Variants in SEC24D observed in about 807,000 individuals in gnomAD.
SEC24D encodes the protein protein transport protein Sec24D.
SEC24D carries 69 observed loss-of-function variants against 116.9 expected under a neutral mutation model. The observed-to-expected ratio is 0.59, with a 90% CI of 0.49 to 0.72. The LOEUF (loss-of-function observed/expected upper bound fraction) is 0.72. SEC24D is among the 30% of genes least tolerant of loss of function. The probability of loss-of-function intolerance (pLI) is 0.00; values close to 1 mark genes in which losing one functional copy is unlikely to be tolerated. For synonymous variants in SEC24D, 405 were observed against 442.8 expected, an observed-to-expected ratio of 0.91 and a Z score of 1.07; for missense variants, 1,131 against 1,264.1, an observed-to-expected ratio of 0.89 and a Z score of 1.60.
chr4:118,823,825 C>T (rs1730493280), intron 3 of SEC24D, among the ~76,000 whole-genome samples: 1 of 152,144 alleles, frequency 6.6e-6, no homozygotes. Context: ...TTTACTACAG[C>T]TCTGCCTTTT....
At chr4:118,741,709 C>T (rs1726230241) in intron 15 of SEC24D, among the ~76,000 whole-genome samples, 2 of 152,166 alleles carry the variant, frequency 1.3e-5, no homozygotes, top group Non-Finnish European at 2.9e-5. Context: ...CGCATCTCAT[C>T]CCTTCCCCCC....
intron 3 of SEC24D, among the ~76,000 whole-genome samples, chr4:118,823,694 T>C (rs553541018): frequency 6.6e-5 from 10 of 152,380 alleles, no homozygotes; most frequent in African/African-American, 2.4e-4. Context: ...CAGGGATTAG[T>C]CCCTAGTGGG....
chr4:118,737,175 G>A (rs904777597), intron 19 of SEC24D, among the ~76,000 whole-genome samples: 2 of 152,222 alleles, frequency 1.3e-5, no homozygotes, highest in Admixed American at 6.5e-5. Flanking sequence ...GATTCCAGGT[G>A]TACCTGGTGG....
At position 118,810,074 on chromosome 4, in the gene SEC24D, C is replaced by CTGTGTGTGTGTGTGTGTGTGTG. The variant is rs71595321; in HGVS notation, c.802-4142_802-4121dup. On this transcript the variant is annotated intron_variant, in intron 6 of 22. Transcript: ENST00000280551. ...TGGTAAGAGACCAGGTCAGAGGTAG[C>CTGTGTGTGTGTGTGTGTGTGTG]TGTGTGTGTGTGTGTGTGTGTGTGT... 5.2e-4 allele frequency among the ~76,000 whole-genome samples: 20 copies of CTGTGTGTGTGTGTGTGTGTGTG among 38,616 alleles called. 1 individual carries two copies. Among genetic ancestry groups the CTGTGTGTGTGTGTGTGTGTGTG allele is most frequent in the South Asian group, 1.4e-3 (1 of 724 alleles). 25.3% of individuals were successfully genotyped at this position (38,616 alleles called of 152,430 possible). A position where few individuals can be genotyped will look rare whatever the true frequency, so the allele number is the denominator to read the frequency against.
At position 118,810,074 on chromosome 4, in the gene SEC24D, CTGTGTGTGTGTGTGTG is replaced by C. The variant is rs71595321; in HGVS notation, c.802-4136_802-4121del. ...TGGTAAGAGACCAGGTCAGAGGTAGCTGTGTGTGTGTGTGTGTGTGTGTGTGTGTGTGTGTGTGTGT... is the reference window on the plus strand; with the variant it reads ...TGGTAAGAGACCAGGTCAGAGGTAGCTGTGTGTGTGTGTGTGTGTGTGTGT... On this transcript the variant is annotated intron_variant, in intron 6 of 22. Transcript: ENST00000280551. Among the ~76,000 whole-genome samples the C allele has an allele frequency of 1.6e-3, 60 of 38,620 alleles. 1 individual carries two copies. The highest frequency in any genetic ancestry group is 5.6e-3 in the African/African-American group (55 of 9,846). The allele number at this position is 38,620 out of a possible 152,430, so 25.3% of individuals were successfully genotyped here.
intron 1 of SEC24D, 43 bp from the exon 2 acceptor site, chr4:118,833,780 G>C: frequency 1.1e-6 from 1 of 907,784 alleles, no homozygotes; most frequent in Non-Finnish European, 1.7e-6. Flanking sequence ...GACAGTTTTA[G>C]TTACGTAAAG....
chr4:118,810,147 T>TGTGTGTGTGTGTGTG (rs1729860284), intron 6 of SEC24D, among the ~76,000 whole-genome samples: 1 of 118,014 alleles, frequency 8.5e-6, no homozygotes, highest in Non-Finnish European at 1.8e-5. Flanking sequence ...TCAGAGGGTA[T>TGTGTGTGTGTGTGTG]AGGGGAGCCA....
At chr4:118,777,212 C>T (rs1443829112) in intron 8 of SEC24D, among the ~76,000 whole-genome samples, 2 of 152,024 alleles carry the variant, frequency 1.3e-5, no homozygotes, top group Non-Finnish European at 2.9e-5. Flanking sequence ...GTTTGCTGCA[C>T]CCATTAACTC....
intron 4 of SEC24D, 132 bp downstream of exon 4, chr4:118,817,132 T>C (rs1287663306): frequency 1.4e-6 from 1 of 715,842 alleles, no homozygotes; most frequent in Non-Finnish European, 2.3e-6. Flanking sequence ...TGCTTTATTA[T>C]TAAAAATGTC....
At chr4:118,787,408 G>A (rs778151529) in intron 8 of SEC24D, among the ~76,000 whole-genome samples, 14 of 152,228 alleles carry the variant, frequency 9.2e-5, no homozygotes, top group Non-Finnish European at 1.3e-4. Context: ...TACAGGCCAT[G>A]ATATCATACA....
intron 8 of SEC24D, among the ~76,000 whole-genome samples, chr4:118,781,124 G>C (rs1379014986): frequency 2.0e-5 from 3 of 151,920 alleles, no homozygotes; most frequent in African/African-American, 7.3e-5. Flanking sequence ...ATTTCATCCT[G>C]ACGTTATGAT....
At chr4:118,815,930 CT>C (rs1560747861) in intron 4 of SEC24D, among the ~76,000 whole-genome samples, 2 of 151,464 alleles carry the variant, frequency 1.3e-5, no homozygotes, top group South Asian at 4.2e-4. Context: ...GGGATTTTTT[CT>C]TTTTTTTAAG....
rs539285394 is a variant in SEC24D at position 118,828,210 on chromosome 4, G to A, written c.119-3461C>T. Among the ~76,000 whole-genome samples, 5 of 151,878 alleles carry A rather than the reference G, an allele frequency of 3.3e-5. No homozygotes were observed. The South Asian group carries it at 6.3e-4, about 19-fold the overall frequency. On this transcript the variant is annotated intron_variant, in intron 2 of 22. Transcript: ENST00000280551. ...TGCAAGCTCCGCCTCCCAGGTTCACGCCATTCTCCTGCCTCAGCCTCCCGA... is the reference window on the plus strand; with the variant it reads ...TGCAAGCTCCGCCTCCCAGGTTCACACCATTCTCCTGCCTCAGCCTCCCGA...
At position 118,765,313 on chromosome 4, in the gene SEC24D, C is replaced by T. The variant is rs1228579031; in HGVS notation, c.1181-396G>A. 6.6e-5 allele frequency among the ~76,000 whole-genome samples: 10 copies of T among 152,334 alleles called. No individual in the cohort carries two copies. The East Asian group carries it at 1.9e-3, about 29-fold the overall frequency. On this transcript the variant is annotated intron_variant, in intron 9 of 22. Transcript: ENST00000280551. ...ATAAACATTCGTTATTTGAACTATA[C>T]TATGAACTACAATATTTATTATGCT...
chr4:118,741,555 A>T (rs1207147504), intron 15 of SEC24D, among the ~76,000 whole-genome samples: 1 of 152,208 alleles, frequency 6.6e-6, no homozygotes, highest in East Asian at 1.9e-4. Context: ...CATTTATATA[A>T]TATGCACATG....
intron 3 of SEC24D, among the ~76,000 whole-genome samples, chr4:118,818,104 A>G (rs773325410): frequency 1.3e-5 from 2 of 152,084 alleles, no homozygotes; most frequent in African/African-American, 2.4e-5. Context: ...AACTTATTAG[A>G]CGTTTATTTT....
intron 5 of SEC24D, 73 bp from the exon 6 acceptor site, chr4:118,815,228 T>C (rs975892291): frequency 1.4e-5 from 22 of 1,551,508 alleles, no homozygotes; most frequent in Admixed American, 1.0e-4. Flanking sequence ...GACGATATTA[T>C]GCTGTTCAGT....
intron 2 of SEC24D, 114 bp from the exon 3 acceptor site, chr4:118,824,863 G>A (rs1730534132): frequency 1.1e-6 from 1 of 927,962 alleles, no homozygotes; most frequent in Non-Finnish European, 1.6e-6. Flanking sequence ...AAATGGATTA[G>A]AACAAAATCT....
At chr4:118,779,709 T>A (rs953582161) in intron 8 of SEC24D, among the ~76,000 whole-genome samples, 5 of 152,218 alleles carry the variant, frequency 3.3e-5, no homozygotes, top group Non-Finnish European at 7.3e-5. Flanking sequence ...TCTGGTAGAA[T>A]TCAGCTGTGA....
Sources: gnomAD v4.1 joint callset for allele counts (sites outside exome capture counted in the v4.1 genomes callset) on GRCh38, gnomAD v4.1.1 for gene constraint, MANE v1.5 for transcripts, NCBI Gene and HGNC (gene_info 2026-07-23, HGNC 2026-07-21) for gene names.